Variants in SPAG16 observed in about 807,000 individuals in gnomAD.
SPAG16 encodes the protein sperm-associated antigen 16 protein.
SPAG16 carries 86 observed loss-of-function variants against 80.4 expected under a neutral mutation model. The ratio of observed to expected loss-of-function variants is 1.07; its 90% CI spans 0.90 to 1.28. The LOEUF (loss-of-function observed/expected upper bound fraction) is 1.28, where lower values mean the gene tolerates loss of function less well. Among genes scored for constraint, SPAG16 ranks in the 50% most tolerant of loss-of-function variants. The pLI, the probability that SPAG16 is intolerant of heterozygous loss-of-function variation, is 0.00. For missense variants in SPAG16, 870 were observed against 765.3 expected, an observed-to-expected ratio of 1.14 and a Z score of -1.61; for synonymous variants, 294 against 265.9, an observed-to-expected ratio of 1.11 and a Z score of -1.03.
intron 9 of SPAG16, among the ~76,000 whole-genome samples, chr2:213,391,469 C>G (rs1185023954): frequency 6.6e-6 from 1 of 152,012 alleles, no homozygotes; most frequent in African/African-American, 2.4e-5. Flanking sequence ...ATTTTAGATC[C>G]AGGTCTACCA....
chr2:213,723,883 C>T (rs951018838), intron 10 of SPAG16, among the ~76,000 whole-genome samples: 2 of 152,092 alleles, frequency 1.3e-5, no homozygotes, highest in Non-Finnish European at 2.9e-5. Context: ...CCTGTAAATA[C>T]CTTTAGTTTA....
chr2:214,141,010 A>G (rs1016867141), intron 14 of SPAG16, among the ~76,000 whole-genome samples: 5 of 151,606 alleles, frequency 3.3e-5, no homozygotes, highest in Non-Finnish European at 7.4e-5. Context: ...TGCCATAACA[A>G]TAACTTGTAT....
chr2:214,078,036 C>G (rs1026410006), intron 13 of SPAG16, among the ~76,000 whole-genome samples: 17 of 152,132 alleles, frequency 1.1e-4, no homozygotes, highest in African/African-American at 3.9e-4. Flanking sequence ...TTCTGGGGAA[C>G]TCAGGTGATG....
chr2:214,080,366 A>C (rs1455059770), intron 13 of SPAG16, among the ~76,000 whole-genome samples: 1 of 151,864 alleles, frequency 6.6e-6, no homozygotes, highest in East Asian at 1.9e-4. Context: ...TGGGAGGCCG[A>C]GGCAGGCGGA....
intron 12 of SPAG16, among the ~76,000 whole-genome samples, chr2:214,004,147 G>C (rs1289504137): frequency 6.6e-6 from 1 of 152,150 alleles, no homozygotes; most frequent in East Asian, 1.9e-4. Flanking sequence ...GGGAGTTACT[G>C]TCAAAGATCA....
At chr2:213,828,334 G>A (rs1275566853) in intron 10 of SPAG16, among the ~76,000 whole-genome samples, 1 of 152,062 alleles carries the variant, frequency 6.6e-6, no homozygotes, top group Non-Finnish European at 1.5e-5. Context: ...TCGTATGTCA[G>A]TTGCATTTTT....
intron 15 of SPAG16, among the ~76,000 whole-genome samples, chr2:214,195,307 A>AGATAGATAGATAGATAGAT (rs1434402161): frequency 5.2e-4 from 78 of 151,450 alleles, no homozygotes; most frequent in African/African-American, 1.8e-3. Flanking sequence ...GAGAGATGAT[A>AGATAGATAGATAGATAGAT]GATAGATAGA....
intron 11 of SPAG16, among the ~76,000 whole-genome samples, chr2:213,913,609 A>G (rs200048077): frequency 9.7e-3 from 78 of 8,080 alleles, no homozygotes; most frequent in East Asian, 0.036. Context: ...ATGTACATGT[A>G]CATATATGTA....
At position 214,315,415 on chromosome 2, in the gene SPAG16, A is replaced by C. The variant is rs542264755; in HGVS notation, c.1721-94725A>C. Among the ~76,000 whole-genome samples, 247 of 152,270 alleles carry C rather than the reference A, an allele frequency of 1.6e-3. 1 individual carries two copies. The highest frequency in any genetic ancestry group is 5.7e-3 in the African/African-American group (235 of 41,550). On this transcript the variant is annotated intron_variant, in intron 15 of 15. Transcript: ENST00000331683. ...TTCAGATGGAAGAAAAAGCATGAGAAATTTCATCTTGAATATGAGGTTATC... is the reference window on the plus strand; with the variant it reads ...TTCAGATGGAAGAAAAAGCATGAGACATTTCATCTTGAATATGAGGTTATC...
chr2:213,617,117 G>T (rs1010468384), intron 10 of SPAG16, among the ~76,000 whole-genome samples: 1 of 152,098 alleles, frequency 6.6e-6, no homozygotes, highest in Non-Finnish European at 1.5e-5. Flanking sequence ...GGAAAGAAGG[G>T]AAATTAATAC....
chr2:214,063,532 ATCAGG>A (rs2050384068), intron 13 of SPAG16, among the ~76,000 whole-genome samples: 1 of 152,098 alleles, frequency 6.6e-6, no homozygotes, highest in Non-Finnish European at 1.5e-5. Context: ...CAGCTTTTTT[ATCAGG>A]TCACTAATTC....
intron 12 of SPAG16, among the ~76,000 whole-genome samples, chr2:213,976,311 C>T (rs548874501): frequency 1.1e-3 from 163 of 149,924 alleles, no homozygotes; most frequent in African/African-American, 3.7e-3. Context: ...CACATGTGTG[C>T]GCATATGTGT....
chr2:214,225,576 A>G (rs756437541), intron 15 of SPAG16, among the ~76,000 whole-genome samples: 24 of 152,146 alleles, frequency 1.6e-4, no homozygotes, highest in Non-Finnish European at 3.2e-4. Flanking sequence ...GGCTTTTATT[A>G]TTACCAAAAA....
intron 9 of SPAG16, among the ~76,000 whole-genome samples, chr2:213,407,015 A>T (rs373821331): frequency 9.3e-5 from 14 of 150,984 alleles, no homozygotes; most frequent in African/African-American, 3.4e-4. Flanking sequence ...TGCGGCGACC[A>T]CTCTGTGCAC....
chr2:213,322,052 A>G (rs563981850), intron 5 of SPAG16, among the ~76,000 whole-genome samples: 1 of 151,710 alleles, frequency 6.6e-6, no homozygotes, highest in Non-Finnish European at 1.5e-5. Flanking sequence ...GTGCACATGT[A>G]CCCTAAAACT....
chr2:213,412,389 A>G (rs950935400), intron 9 of SPAG16, among the ~76,000 whole-genome samples: 2 of 152,144 alleles, frequency 1.3e-5, no homozygotes, highest in African/African-American at 4.8e-5. Context: ...TTCCATCTGT[A>G]AGTGCGCACC....
intron 10 of SPAG16, among the ~76,000 whole-genome samples, chr2:213,777,237 ATTTTTTTT>A (rs59548915): frequency 1.2e-5 from 1 of 82,702 alleles, no homozygotes; most frequent in African/African-American, 4.9e-5. Flanking sequence ...GTTTGTAGGA[ATTTTTTTT>A]TTTTTTTTTT....
At chr2:214,284,199 A>T (rs1386573933) in intron 15 of SPAG16, among the ~76,000 whole-genome samples, 1 of 152,206 alleles carries the variant, frequency 6.6e-6, no homozygotes, top group Non-Finnish European at 1.5e-5. Context: ...GAAAAAACAC[A>T]AAGATTATCT....
At chr2:213,294,786 T>C (rs953164283) in intron 1 of SPAG16, among the ~76,000 whole-genome samples, 1 of 152,138 alleles carries the variant, frequency 6.6e-6, no homozygotes, top group Non-Finnish European at 1.5e-5. Context: ...GCAAACACTT[T>C]ATGTATTTAT....
Sources: allele counts gnomAD v4.1 joint callset (sites outside exome capture counted in the v4.1 genomes callset), GRCh38; gene constraint gnomAD v4.1.1; transcripts MANE v1.5; gene names NCBI Gene and HGNC (gene_info 2026-07-23, HGNC 2026-07-21).